Variants in WDPCP observed in about 807,000 individuals in gnomAD.
The protein encoded by WDPCP is WD repeat-containing and planar cell polarity effector protein fritz homolog.
Under a neutral mutation model 93.1 loss-of-function variants are expected in WDPCP, and 71 were observed. The observed-to-expected ratio is 0.76, with a 90% CI of 0.63 to 0.93. WDPCP has a LOEUF of 0.93. WDPCP is among the 40% of genes least tolerant of loss of function. WDPCP has a pLI of 0.00. For missense variants in WDPCP, 844 were observed against 887.4 expected (o/e 0.95, Z 0.62); for synonymous variants, 315 against 315.0 (o/e 1.00, Z 0.00).
chr2:63,759,629 T>G (rs1010469863), intron 2 of WDPCP, among the ~76,000 whole-genome samples: 1 of 152,204 alleles, frequency 6.6e-6, no homozygotes, highest in Admixed American at 6.5e-5. Flanking sequence ...TTGGTGTGAA[T>G]GGAGATTTCA....
At chr2:63,272,879 G>A (rs1437995042) in intron 13 of WDPCP, among the ~76,000 whole-genome samples, 1 of 152,068 alleles carries the variant, frequency 6.6e-6, no homozygotes, top group African/African-American at 2.4e-5. Context: ...AAGAGACATG[G>A]ACATTCACAT....
intron 2 of WDPCP, among the ~76,000 whole-genome samples, chr2:63,675,232 G>T (rs550799532): frequency 6.6e-6 from 1 of 152,180 alleles, no homozygotes; most frequent in African/African-American, 2.4e-5. Flanking sequence ...CCTTCATTGG[G>T]ACTCTTCTAC....
chr2:63,541,740 A>G (rs1450965843), intron 1 of WDPCP, among the ~76,000 whole-genome samples: 1 of 152,114 alleles, frequency 6.6e-6, no homozygotes, highest in Non-Finnish European at 1.5e-5. Flanking sequence ...AACTAATAAG[A>G]CCACAGACCA....
chr2:63,820,407 T>G (rs1439743748), intron 1 of WDPCP, among the ~76,000 whole-genome samples: 1 of 152,154 alleles, frequency 6.6e-6, no homozygotes, highest in Non-Finnish European at 1.5e-5. Context: ...GAAATAGTGA[T>G]GCAACCCAGT....
intron 12 of WDPCP, among the ~76,000 whole-genome samples, chr2:63,358,932 G>C (rs1454168953): frequency 6.6e-6 from 1 of 152,090 alleles, no homozygotes. Context: ...CCTGACAAAA[G>C]CCCTTGTTCC....
At chr2:63,216,670 C>T (rs1677370906) in intron 14 of WDPCP, among the ~76,000 whole-genome samples, 1 of 150,896 alleles carries the variant, frequency 6.6e-6, no homozygotes, top group African/African-American at 2.4e-5. Context: ...AACAAATCTG[C>T]ACATTGGGTA....
intron 3 of WDPCP, among the ~76,000 whole-genome samples, chr2:63,614,742 T>C (rs1456911035): frequency 1.3e-5 from 2 of 152,140 alleles, no homozygotes; most frequent in Non-Finnish European, 2.9e-5. Flanking sequence ...CCTCATTCCA[T>C]AGGAATTCTG....
chr2:63,746,054 T>C (rs1669792288), intron 2 of WDPCP, among the ~76,000 whole-genome samples: 1 of 152,206 alleles, frequency 6.6e-6, no homozygotes, highest in African/African-American at 2.4e-5. Flanking sequence ...TTGTGAAATG[T>C]GTTGTGGGAA....
At chr2:63,186,657 C>T (rs573196475) in intron 14 of WDPCP, among the ~76,000 whole-genome samples, 2 of 152,306 alleles carry the variant, frequency 1.3e-5, no homozygotes, top group East Asian at 1.9e-4. Context: ...ACAATTTGCT[C>T]CTCTACCATA....
chr2:63,786,858 T>C (rs931108151), intron 2 of WDPCP, among the ~76,000 whole-genome samples: 1 of 152,226 alleles, frequency 6.6e-6, no homozygotes, highest in Non-Finnish European at 1.5e-5. Context: ...AAATTATTGT[T>C]ATATGAAAAA....
intron 1 of WDPCP, among the ~76,000 whole-genome samples, chr2:63,554,964 C>T (rs915778844): frequency 3.9e-5 from 6 of 152,330 alleles, no homozygotes; most frequent in African/African-American, 9.6e-5. Context: ...ACTTTTTCCA[C>T]AGATCTGAGC....
intron 2 of WDPCP, among the ~76,000 whole-genome samples, chr2:63,761,876 T>C (rs755656521): frequency 7.9e-5 from 12 of 152,338 alleles, no homozygotes; most frequent in Non-Finnish European, 1.3e-4. Context: ...ACATATATGT[T>C]GTCCCCATTA....
chr2:63,498,215 C>CA (rs1701342956), intron 1 of WDPCP, among the ~76,000 whole-genome samples: 1 of 152,180 alleles, frequency 6.6e-6, no homozygotes, highest in Non-Finnish European at 1.5e-5. Flanking sequence ...CTAACTTTTA[C>CA]AATTTCCTCT....
At chr2:63,718,527 G>A (rs1046886713) in intron 2 of WDPCP, among the ~76,000 whole-genome samples, 3 of 152,110 alleles carry the variant, frequency 2.0e-5, no homozygotes, top group Admixed American at 6.6e-5. Flanking sequence ...ATTTTTTCAT[G>A]TTTGTTGGCT....
chr2:63,522,848 C>A (rs1230778118), intron 1 of WDPCP, among the ~76,000 whole-genome samples: 2 of 152,162 alleles, frequency 1.3e-5, no homozygotes, highest in African/African-American at 4.8e-5. Context: ...AGACCCTAGA[C>A]CAGACAGATT....
At chr2:63,763,016 GACAA>G (rs1670080267) in intron 2 of WDPCP, among the ~76,000 whole-genome samples, 1 of 152,154 alleles carries the variant, frequency 6.6e-6, no homozygotes, top group African/African-American at 2.4e-5. Context: ...CAGTGACCAT[GACAA>G]ACAGAGTCTT....
intron 6 of WDPCP, among the ~76,000 whole-genome samples, chr2:63,450,452 G>A (rs749934698): frequency 2.0e-5 from 3 of 152,218 alleles, no homozygotes; most frequent in South Asian, 2.1e-4. Flanking sequence ...CATGCCAGCT[G>A]CCCGGGGACT....
intron 14 of WDPCP, among the ~76,000 whole-genome samples, chr2:63,198,181 A>G (rs1407169447): frequency 6.6e-6 from 1 of 152,198 alleles, no homozygotes; most frequent in African/African-American, 2.4e-5. Flanking sequence ...TGGAAATTCC[A>G]TTTATTAAAA....
chr2:63,717,330 T>C, intron 2 of WDPCP: 1 of 509,904 alleles, frequency 2.0e-6, no homozygotes, highest in African/African-American at 2.0e-5. Context: ...ACATGAAAAA[T>C]GATGGCACAA....
Sources: allele counts gnomAD v4.1 joint callset (sites outside exome capture counted in the v4.1 genomes callset), GRCh38; gene constraint gnomAD v4.1.1; transcripts MANE v1.5; gene names NCBI Gene and HGNC (gene_info 2026-07-23, HGNC 2026-07-21).